SH3GL3: variants seen among roughly 807,000 people sequenced by gnomAD.
The protein encoded by SH3GL3 is endophilin-A3.
Under a neutral mutation model 47.7 loss-of-function variants are expected in SH3GL3, and 33 were observed. That is an observed-to-expected ratio of 0.69 (90% CI 0.52 to 0.92). The LOEUF is 0.92. SH3GL3 is among the 40% of genes least tolerant of loss of function. SH3GL3 has a pLI of 0.00. For missense variants in SH3GL3, 363 were observed against 417.8 expected (o/e 0.87, Z 1.14); for synonymous variants, 155 against 148.8 (o/e 1.04, Z -0.30).
At chr15:83,619,707 G>T (rs547476361), downstream of SH3GL3, among the ~76,000 whole-genome samples, 4 of 152,172 alleles carry the variant, frequency 2.6e-5, no homozygotes, top group Non-Finnish European at 5.9e-5. Context: ...TCAGCAAGGG[G>T]TAATATTTTT....
chr15:83,462,224 ACTG>A (rs1464796942), intron 1 of SH3GL3, among the ~76,000 whole-genome samples: 1 of 152,186 alleles, frequency 6.6e-6, no homozygotes, highest in Non-Finnish European at 1.5e-5. Context: ...AGACTGCAAA[ACTG>A]CTGACTTCAC....
chr15:83,562,058 C>G (rs1285627258), intron 2 of SH3GL3, among the ~76,000 whole-genome samples: 1 of 114,236 alleles, frequency 8.8e-6, no homozygotes, highest in Non-Finnish European at 2.1e-5. Context: ...CACACACACA[C>G]ACACACACAC....
At chr15:83,488,887 T>C (rs1395151724) in intron 1 of SH3GL3, among the ~76,000 whole-genome samples, 2 of 152,216 alleles carry the variant, frequency 1.3e-5, no homozygotes, top group Admixed American at 1.3e-4. Flanking sequence ...TTTTATTAGT[T>C]TTCATGGGGA....
At chr15:83,483,945 C>T (rs1172637174) in intron 1 of SH3GL3, among the ~76,000 whole-genome samples, 1 of 152,140 alleles carries the variant, frequency 6.6e-6, no homozygotes, top group Non-Finnish European at 1.5e-5. Context: ...GTCCTATGGC[C>T]ATTCCAGGGA....
intron 1 of SH3GL3, among the ~76,000 whole-genome samples, chr15:83,481,806 A>G (rs1336321922): frequency 1.3e-5 from 2 of 152,208 alleles, no homozygotes; most frequent in Non-Finnish European, 2.9e-5. Flanking sequence ...TCTCTCTCCA[A>G]GAGGCTGTGC....
intron 1 of SH3GL3, among the ~76,000 whole-genome samples, chr15:83,538,344 TGGAA>T (rs1279257114): frequency 1.3e-5 from 2 of 152,222 alleles, no homozygotes; most frequent in African/African-American, 2.4e-5. Context: ...GCAGGGCTTA[TGGAA>T]GGGGTAGTTT....
chr15:83,526,423 A>G (rs1039432749), intron 1 of SH3GL3, among the ~76,000 whole-genome samples: 2 of 152,260 alleles, frequency 1.3e-5, no homozygotes, highest in Non-Finnish European at 2.9e-5. Flanking sequence ...CTAAATGCCC[A>G]TCAGTGCTAG....
intron 1 of SH3GL3, among the ~76,000 whole-genome samples, chr15:83,549,577 A>G (rs2044562319): frequency 2.0e-5 from 3 of 152,256 alleles, no homozygotes; most frequent in African/African-American, 7.2e-5. Context: ...TCTCTTGATC[A>G]CTGTGATACT....
chr15:83,608,672 C>T (rs763939908), intron 8 of SH3GL3, among the ~76,000 whole-genome samples: 4 of 152,062 alleles, frequency 2.6e-5, no homozygotes, highest in African/African-American at 9.7e-5. Context: ...TTCAAACACT[C>T]GGTGAGAGTT....
intron 6 of SH3GL3, among the ~76,000 whole-genome samples, chr15:83,585,949 G>A (rs1312121392): frequency 3.9e-5 from 6 of 152,202 alleles, no homozygotes; most frequent in Non-Finnish European, 7.3e-5. Flanking sequence ...TAAGTCCATG[G>A]TTGGTTAGGC....
intron 1 of SH3GL3, among the ~76,000 whole-genome samples, chr15:83,511,887 T>G (rs567701604): frequency 6.6e-6 from 1 of 152,320 alleles, no homozygotes; most frequent in South Asian, 2.1e-4. Flanking sequence ...GACTTAGTGC[T>G]GCACAAGCTT....
intron 2 of SH3GL3, among the ~76,000 whole-genome samples, chr15:83,559,604 A>G (rs1441235959): frequency 1.3e-5 from 2 of 152,248 alleles, no homozygotes; most frequent in African/African-American, 4.8e-5. Flanking sequence ...CAATCTTGGC[A>G]GTTACTGCAA....
At position 83,576,701 on chromosome 15, in the gene SH3GL3, A is replaced by G; in HGVS notation, c.584A>G (p.Glu195Gly). ...GTAGAAAAATTTGAAGAGTCAAAGG[A>G]GTTGGCTGAAAGAAGCATGTTTAAC... The part of the protein sequence containing the change: ...QAVEKFEESK[E>G]LAERSMFNFL... Residue 195 changes from glutamate to glycine, a missense_variant, in exon 6 of 9, where the codon GAG becomes GGG. By Grantham distance (98) the Glu-to-Gly change is moderately conservative. Transcript: ENST00000427482. 2 of 1,612,712 alleles carry G rather than the reference A, an allele frequency of 1.2e-6. No individual in the cohort carries two copies. Among genetic ancestry groups the G allele is most frequent in the Non-Finnish European group, 1.7e-6 (2 of 1,179,268 alleles).
chr15:83,569,077 A>C (rs1596280474), intron 4 of SH3GL3, among the ~76,000 whole-genome samples: 5 of 152,166 alleles, frequency 3.3e-5, no homozygotes, highest in Admixed American at 2.6e-4. Context: ...TTGTATTTTA[A>C]ATAGAGACAG....
At chr15:83,611,179 C>T (rs2060654127) in intron 8 of SH3GL3, among the ~76,000 whole-genome samples, 1 of 151,726 alleles carries the variant, frequency 6.6e-6, no homozygotes, top group East Asian at 1.9e-4. Context: ...ACGTGGTTTT[C>T]CTACCTCCTA....
intron 1 of SH3GL3, among the ~76,000 whole-genome samples, chr15:83,548,978 T>C (rs575255251): frequency 6.6e-6 from 1 of 152,316 alleles, no homozygotes; most frequent in East Asian, 1.9e-4. Context: ...TCCCTTTATG[T>C]TTCAATTTAG....
intron 1 of SH3GL3, among the ~76,000 whole-genome samples, chr15:83,535,844 A>G (rs543563650): frequency 6.6e-6 from 1 of 152,322 alleles, no homozygotes; most frequent in South Asian, 2.1e-4. Context: ...TTAGAGATAT[A>G]TGGGGAAGAT....
intron 1 of SH3GL3, among the ~76,000 whole-genome samples, chr15:83,460,401 A>G (rs2040234177): frequency 6.6e-6 from 1 of 152,026 alleles, no homozygotes; most frequent in South Asian, 2.1e-4. Flanking sequence ...ATAATGTGGT[A>G]TATACTCATG....
At chr15:83,580,114 A>G (rs1002657406) in intron 6 of SH3GL3, among the ~76,000 whole-genome samples, 2 of 152,194 alleles carry the variant, frequency 1.3e-5, no homozygotes, top group East Asian at 3.9e-4. Flanking sequence ...CTTGTAGCCC[A>G]TGGGACTCTG....
Sources: gnomAD v4.1 joint callset for allele counts (sites outside exome capture counted in the v4.1 genomes callset) on GRCh38, gnomAD v4.1.1 for gene constraint, MANE v1.5 for transcripts, NCBI Gene and HGNC (gene_info 2026-07-23, HGNC 2026-07-21) for gene names.